The following BRF1 variants were observed in gnomAD, a reference collection of about 807,000 sequenced individuals.
BRF1 encodes the protein BRF1 general transcription factor IIIB subunit.
A neutral mutation model predicts 81.7 loss-of-function variants in BRF1; 59 were observed. The ratio of observed to expected loss-of-function variants is 0.72; its 90% confidence interval spans 0.59 to 0.90. The LOEUF is 0.90. Ranked by LOEUF, BRF1 falls within the 40% of genes least tolerant of loss-of-function variation. BRF1 has a pLI of 0.00. For synonymous variants in BRF1, 491 were observed against 395.6 expected (o/e 1.24, Z -2.86); for missense variants, 1,050 against 936.3 (o/e 1.12, Z -1.58).
intron 1 of BRF1, among the ~76,000 whole-genome samples, chr14:105,297,073 G>A (rs768666494): frequency 1.3e-4 from 19 of 151,806 alleles, no homozygotes; most frequent in Non-Finnish European, 2.1e-4. Flanking sequence ...CACGAGAATC[G>A]CTTGAACCCA....
At chr14:105,265,068 T>C (rs2056347836) in intron 3 of BRF1, among the ~76,000 whole-genome samples, 1 of 144,750 alleles carries the variant, frequency 6.9e-6, no homozygotes, top group South Asian at 2.2e-4. Flanking sequence ...TTTTTTTGTT[T>C]GTTTGTTTTT....
chr14:105,228,873 A>G lies in BRF1; in HGVS notation c.735T>C (p.Thr245=), dbSNP rs377191279. ...TGACCACACTGATGACCTCCTTCAC[A>G]GTCCTCCTGAAGTCATGCATTCTGG... is the stretch of plus-strand genomic sequence containing the variant. ...VAARMHDFRR[T]VKEVISVVKV... Residue 245 remains threonine (T), a synonymous_variant, in exon 7 of 18, where the codon ACT becomes ACC. Coordinates refer to ENST00000547530, the MANE Select transcript of BRF1 (RefSeq NM_001519.4). 2.0e-5 allele frequency: 32 copies of G among 1,613,722 alleles called. No homozygotes were observed. Among genetic ancestry groups the G allele is most frequent in the Admixed American group, 5.0e-5 (3 of 60,010 alleles).
chr14:105,209,923 A>T lies in BRF1; in HGVS notation c.*628T>A. On this transcript the variant is annotated 3_prime_UTR_variant, in exon 18 of 18. Transcript: ENST00000547530. ...GCAGGCAGCGGGGAGGGGGGTCTGG[A>T]GGAGGCAGGGGTGGGGGTGTCTGCC... 1 of 362,018 alleles carries T rather than the reference A, an allele frequency of 2.8e-6. No individual in the cohort carries two copies. Among genetic ancestry groups the T allele is most frequent in the Non-Finnish European group, 4.9e-6 (1 of 202,304 alleles). The allele number at this position is 362,018 out of a possible 1,614,324, so 22.4% of individuals were successfully genotyped here. A position where few individuals can be genotyped will look rare whatever the true frequency, so the allele number is the denominator to read the frequency against.
At chr14:105,241,159 C>T in intron 6 of BRF1, 106 bp downstream of exon 6, 5 of 1,521,734 alleles carry the variant, frequency 3.3e-6, no homozygotes, top group South Asian at 2.5e-5. Flanking sequence ...AGGCAGCTCT[C>T]AGTGCTCTGC....
intron 1 of BRF1, chr14:105,314,676 C>CGG (rs1566891651): frequency 8.5e-5 from 12 of 141,674 alleles, no homozygotes; most frequent in Non-Finnish European, 1.9e-4. Flanking sequence ...CGGAGGGCGC[C>CGG]GGGCGCGCGC....
rs912422171 is a variant in BRF1 at position 105,313,463 on chromosome 14, G to A, written c.-162+1859C>T. On this transcript the variant is annotated intron_variant, in intron 1 of 17. Coordinates refer to the BRF1 transcript ENST00000327359. ...ACCTTAGAGGAGCCAGGGGCGCGTG[G>A]GAAACACAGAGTCCCTTGTTCTCTC... 9.8e-5 allele frequency among the ~76,000 whole-genome samples: 15 copies of A among 152,332 alleles called. 1 individual carries two copies. Among genetic ancestry groups the A allele is most frequent in the South Asian group, 6.2e-4 (3 of 4,830 alleles).
chr14:105,220,489 G>A (rs930523007), intron 11 of BRF1, among the ~76,000 whole-genome samples: 15 of 152,338 alleles, frequency 9.8e-5, no homozygotes, highest in African/African-American at 2.9e-4. Flanking sequence ...GTCAGGCCAC[G>A]GAGTGAGATG....
At chr14:105,296,504 C>T (rs973241712) in intron 1 of BRF1, among the ~76,000 whole-genome samples, 8 of 148,872 alleles carry the variant, frequency 5.4e-5, no homozygotes, top group South Asian at 2.1e-4. Context: ...CAGAGCAAGA[C>T]GCCGTCTCAA....
At chr14:105,243,318 C>T (rs1410766497) in intron 5 of BRF1, among the ~76,000 whole-genome samples, 4 of 149,880 alleles carry the variant, frequency 2.7e-5, no homozygotes, top group African/African-American at 7.4e-5. Context: ...GGTGTGGTGG[C>T]GGGCACCTAT....
intron 11 of BRF1, among the ~76,000 whole-genome samples, chr14:105,220,826 G>A (rs1225280970): frequency 6.6e-6 from 1 of 152,172 alleles, no homozygotes; most frequent in Non-Finnish European, 1.5e-5. Context: ...GCCAGAGACG[G>A]CTCCTCTCAG....
At chr14:105,229,016 G>A (rs2054272718) in intron 6 of BRF1, 103 bp from the exon 7 acceptor site, 5 of 1,057,252 alleles carry the variant, frequency 4.7e-6, no homozygotes, top group Non-Finnish European at 4.4e-6. Context: ...GGAGATGATG[G>A]CCTGAGAAGA....
chr14:105,287,703 G>A (rs1004505381), intron 1 of BRF1, among the ~76,000 whole-genome samples: 6 of 152,176 alleles, frequency 3.9e-5, no homozygotes, highest in African/African-American at 7.2e-5. Context: ...GAACAGGCAC[G>A]GCCTCTGGCT....
intron 14 of BRF1, among the ~76,000 whole-genome samples, chr14:105,218,559 G>C (rs367976824): frequency 2.0e-5 from 3 of 152,234 alleles, no homozygotes; most frequent in African/African-American, 4.8e-5. Context: ...AACCACTGCT[G>C]CCTGCACCAC....
At chr14:105,229,438 G>C (rs1346348265) in intron 6 of BRF1, among the ~76,000 whole-genome samples, 4 of 152,246 alleles carry the variant, frequency 2.6e-5, no homozygotes, top group South Asian at 2.1e-4. Flanking sequence ...CTGCCGGGTA[G>C]AGTGGACTCT....
chr14:105,256,288 G>A, intron 4 of BRF1: 1 of 1,546,370 alleles, frequency 6.5e-7, no homozygotes. Flanking sequence ...CCCAGCATTG[G>A]CAGGTGCCCT....
At chr14:105,250,861 T>G in intron 5 of BRF1, 1 of 651,012 alleles carries the variant, frequency 1.5e-6, no homozygotes, top group Non-Finnish European at 2.7e-6. Flanking sequence ...TAGGCATCTC[T>G]GGTACAGTGG....
At chr14:105,297,340 G>A (rs1229287741) in intron 1 of BRF1, among the ~76,000 whole-genome samples, 6 of 151,172 alleles carry the variant, frequency 4.0e-5, no homozygotes, top group African/African-American at 1.5e-4. Flanking sequence ...AGGCCGAAGA[G>A]GGCGGATCAC....
At chr14:105,289,729 G>T (rs985541755) in intron 1 of BRF1, among the ~76,000 whole-genome samples, 1 of 152,102 alleles carries the variant, frequency 6.6e-6, no homozygotes, top group African/African-American at 2.4e-5. Flanking sequence ...TCCGCCTCCC[G>T]GATTCAAGCA....
intron 1 of BRF1, among the ~76,000 whole-genome samples, chr14:105,295,670 G>C (rs1314497233): frequency 6.6e-6 from 1 of 151,782 alleles, no homozygotes; most frequent in East Asian, 1.9e-4. Context: ...CGTAGTCCTA[G>C]CTACTCTGGA....
Sources: allele counts gnomAD v4.1 joint callset (sites outside exome capture counted in the v4.1 genomes callset), GRCh38; gene constraint gnomAD v4.1.1; transcripts MANE v1.5; gene names NCBI Gene and HGNC (gene_info 2026-07-23, HGNC 2026-07-21).